The following NCOA3 variants were observed in gnomAD, a reference collection of about 807,000 sequenced individuals.
The protein encoded by NCOA3 is CBP-interacting protein.
NCOA3 carries 51 observed loss-of-function variants against 158.8 expected under a neutral mutation model. The observed-to-expected ratio is 0.32, with a 90% CI of 0.26 to 0.41. The LOEUF (loss-of-function observed/expected upper bound fraction) is 0.41, where lower values mean the gene tolerates loss of function less well. Among genes scored for constraint, NCOA3 ranks in the 10% least tolerant of loss-of-function variants. The pLI is 1.00. For synonymous variants in NCOA3, 537 were observed against 592.4 expected, an observed-to-expected ratio of 0.91 and a Z score of 1.36; for missense variants, 1,510 against 1,746.6, an observed-to-expected ratio of 0.86 and a Z score of 2.41.
chr20:47,614,179 G>A (rs1461220432), intron 2 of NCOA3, among the ~76,000 whole-genome samples: 6 of 152,156 alleles, frequency 3.9e-5, no homozygotes, highest in East Asian at 1.9e-4. Context: ...TTATTAGTAA[G>A]GGTATGAATG....
chr20:47,564,909 C>G (rs1227663347), intron 1 of NCOA3, among the ~76,000 whole-genome samples: 1 of 151,670 alleles, frequency 6.6e-6, no homozygotes, highest in Non-Finnish European at 1.5e-5. Flanking sequence ...TGTAAAGCTC[C>G]TATGTATCCT....
chr20:47,563,116 G>A (rs1277461779), intron 1 of NCOA3, among the ~76,000 whole-genome samples: 1 of 152,184 alleles, frequency 6.6e-6, no homozygotes, highest in East Asian at 1.9e-4. Flanking sequence ...TTTGTTTAGA[G>A]TACTGGAAGT....
intron 1 of NCOA3, among the ~76,000 whole-genome samples, chr20:47,538,738 G>T (rs1195815089): frequency 6.6e-6 from 1 of 152,056 alleles, no homozygotes; most frequent in Non-Finnish European, 1.5e-5. Context: ...TAGAGACAGG[G>T]TTTCCCCATG....
At chr20:47,511,550 T>TATATATATATACACACACAC in intron 1 of NCOA3, among the ~76,000 whole-genome samples, 10 of 52,270 alleles carry the variant, frequency 1.9e-4, no homozygotes, top group African/African-American at 5.4e-4. Context: ...TATATATATA[T>TATATATATATACACACACAC]ATATATTTCT....
intron 2 of NCOA3, among the ~76,000 whole-genome samples, chr20:47,617,423 G>A (rs1019899279): frequency 2.0e-5 from 3 of 152,036 alleles, no homozygotes; most frequent in African/African-American, 7.3e-5. Flanking sequence ...GTTTCTTACC[G>A]GTTAAGAACT....
At chr20:47,525,370 TC>T (rs2084412355) in intron 1 of NCOA3, among the ~76,000 whole-genome samples, 1 of 150,440 alleles carries the variant, frequency 6.6e-6, no homozygotes, top group Non-Finnish European at 1.5e-5. Context: ...GATTTCTCAA[TC>T]TTTTCCCCAC....
intron 1 of NCOA3, among the ~76,000 whole-genome samples, chr20:47,536,662 T>A (rs916977676): frequency 6.6e-5 from 10 of 152,184 alleles, no homozygotes; most frequent in Admixed American, 2.0e-4. Flanking sequence ...TCTTATTTAT[T>A]TGTTTTTAAA....
rs370600338 is a variant in NCOA3 at position 47,621,166 on chromosome 20, A to C, written c.-19-1063A>C. On this transcript the variant is annotated intron_variant, in intron 2 of 22. Coordinates refer to ENST00000371998, the MANE Select transcript of NCOA3 (RefSeq NM_181659.3). Reference sequence around the variant, plus strand: ...TTTCTTGGTAATTTAATACATATTTAGTGCATCTGTAAAGACAATGTTGCA... The same window carrying C: ...TTTCTTGGTAATTTAATACATATTTCGTGCATCTGTAAAGACAATGTTGCA... 6.6e-5 allele frequency among the ~76,000 whole-genome samples: 10 copies of C among 152,336 alleles called. 1 individual carries two copies. The highest frequency in any genetic ancestry group is 3.3e-4 in the Admixed American group (5 of 15,308).
chr20:47,640,056 G>T lies in NCOA3; in HGVS notation c.3080+5G>T, dbSNP rs1204607465. On this transcript the variant is annotated splice_donor_5th_base_variant and intron_variant, in intron 16 of 22. Coordinates refer to ENST00000371998, the MANE Select transcript of NCOA3 (RefSeq NM_181659.3). ...TTCTCATGGCACTCAAAATAGGTGG[G>T]GTGTTATTTTGTGACTCTGTAGAAA... The T allele has an allele frequency of 6.2e-6, 10 of 1,614,046 alleles. No individual in the cohort carries two copies. The Middle Eastern group carries it at 9.9e-4, about 160-fold the overall frequency.
intron 1 of NCOA3, among the ~76,000 whole-genome samples, chr20:47,572,629 C>T (rs935400103): frequency 4.6e-5 from 7 of 151,972 alleles, no homozygotes; most frequent in East Asian, 1.9e-4. Context: ...TTCCACCTCC[C>T]GGGTTCAAGT....
At chr20:47,633,742 C>A in intron 9 of NCOA3, 106 bp downstream of exon 9, 2 of 1,279,974 alleles carry the variant, frequency 1.6e-6, no homozygotes, top group Non-Finnish European at 2.2e-6. Flanking sequence ...ATTGACCCTT[C>A]TGCCTCAGCT....
chr20:47,539,028 G>A (rs1315886206), intron 1 of NCOA3, among the ~76,000 whole-genome samples: 2 of 152,164 alleles, frequency 1.3e-5, no homozygotes, highest in African/African-American at 4.8e-5. Flanking sequence ...TTGCCTTTGG[G>A]TAAGGTTTTC....
At chr20:47,553,214 C>T (rs1428053619) in intron 1 of NCOA3, among the ~76,000 whole-genome samples, 7 of 152,016 alleles carry the variant, frequency 4.6e-5, no homozygotes, top group African/African-American at 1.7e-4. Flanking sequence ...GGATTACAGG[C>T]GTGAGCCACC....
intron 1 of NCOA3, among the ~76,000 whole-genome samples, chr20:47,511,677 A>G (rs1245234401): frequency 6.6e-6 from 1 of 150,502 alleles, no homozygotes; most frequent in Non-Finnish European, 1.5e-5. Flanking sequence ...CAGCCACCCG[A>G]GTAGCTGGGG....
chr20:47,523,302 A>G (rs549133123), intron 1 of NCOA3, among the ~76,000 whole-genome samples: 1 of 152,176 alleles, frequency 6.6e-6, no homozygotes. Flanking sequence ...CTTTCTGGCT[A>G]CTTCCTGCTG....
At chr20:47,505,551 C>G (rs534859285) in intron 1 of NCOA3, among the ~76,000 whole-genome samples, 4 of 151,942 alleles carry the variant, frequency 2.6e-5, no homozygotes, top group Non-Finnish European at 4.4e-5. Flanking sequence ...AAAAACAAGA[C>G]TTGTTGATCA....
intron 1 of NCOA3, among the ~76,000 whole-genome samples, chr20:47,505,044 T>G (rs6066364): frequency 5.9e-4 from 32 of 54,118 alleles, no homozygotes; most frequent in South Asian, 2.4e-3. Context: ...GCAGGGGCGT[T>G]TTTTTTTTTT....
chr20:47,624,657 G>C (rs1243200060), intron 4 of NCOA3, among the ~76,000 whole-genome samples: 1 of 152,134 alleles, frequency 6.6e-6, no homozygotes, highest in Non-Finnish European at 1.5e-5. Context: ...GTTTTAGAAG[G>C]AACTTGTTGC....
Position 47,621,226 on chromosome 20 carries a change from A to AT in NCOA3, c.-19-997dup, listed in dbSNP as rs202239666. 5.2e-3 allele frequency among the ~76,000 whole-genome samples: 792 copies of AT among 151,658 alleles called. 5 individuals are homozygous for AT. The highest frequency in any genetic ancestry group is 0.018 in the African/African-American group (728 of 41,272). Reference sequence around the variant, plus strand: ...TTCTGATTTATATTATGATCATGTGATTTTTTAAATTTTTATTTTTTTTGT... The same window carrying AT: ...TTCTGATTTATATTATGATCATGTGATTTTTTTAAATTTTTATTTTTTTTGT... On this transcript the variant is annotated intron_variant, in intron 2 of 22. Transcript: ENST00000371998.
Sources: allele counts gnomAD v4.1 joint callset (sites outside exome capture counted in the v4.1 genomes callset), GRCh38; gene constraint gnomAD v4.1.1; transcripts MANE v1.5; gene names NCBI Gene and HGNC (gene_info 2026-07-23, HGNC 2026-07-21).